Variants in ANKRD6 observed in about 807,000 individuals in gnomAD.
ANKRD6 encodes ankyrin repeat domain 6.
ANKRD6 carries 56 observed loss-of-function variants against 82.3 expected under a neutral mutation model. That is an observed-to-expected ratio of 0.68 (90% CI 0.55 to 0.85). The LOEUF is 0.85. Among genes scored for constraint, ANKRD6 ranks in the 40% least tolerant of loss-of-function variants. The pLI is 0.00. For synonymous variants in ANKRD6, 347 were observed against 352.1 expected, an observed-to-expected ratio of 0.99 and a Z score of 0.16; for missense variants, 852 against 907.6, an observed-to-expected ratio of 0.94 and a Z score of 0.79.
intron 1 of ANKRD6, among the ~76,000 whole-genome samples, chr6:89,460,350 T>C (rs1458582933): frequency 1.3e-5 from 2 of 152,150 alleles, no homozygotes; most frequent in African/African-American, 2.4e-5. Context: ...AATATTTATA[T>C]GCCAAAGCAA....
chr6:89,517,219 C>T (rs1257126638), intron 1 of ANKRD6, among the ~76,000 whole-genome samples: 1 of 152,168 alleles, frequency 6.6e-6, no homozygotes, highest in East Asian at 1.9e-4. Context: ...ACAGCAGCCA[C>T]AGGAAACCTA....
intron 1 of ANKRD6, among the ~76,000 whole-genome samples, chr6:89,438,555 CT>C (rs1182772472): frequency 6.6e-6 from 1 of 152,178 alleles, no homozygotes; most frequent in Non-Finnish European, 1.5e-5. Flanking sequence ...AGGAATAGAA[CT>C]CTTTGGTGGA....
chr6:89,491,912 C>T (rs143403176), intron 1 of ANKRD6, among the ~76,000 whole-genome samples: 2 of 152,280 alleles, frequency 1.3e-5, no homozygotes, highest in African/African-American at 4.8e-5. Flanking sequence ...TGCTGTGTTT[C>T]CTCCAGTCTA....
chr6:89,457,353 C>T (rs1162662201), intron 1 of ANKRD6, among the ~76,000 whole-genome samples: 3 of 152,150 alleles, frequency 2.0e-5, no homozygotes, highest in Non-Finnish European at 4.4e-5. Context: ...GACAGACTAC[C>T]ATAAATTGGA....
intron 1 of ANKRD6, among the ~76,000 whole-genome samples, chr6:89,454,414 T>C (rs1562536205): frequency 6.6e-6 from 1 of 152,240 alleles, no homozygotes; most frequent in Non-Finnish European, 1.5e-5. Context: ...GGTTTATCCC[T>C]GGGAGATCAG....
chr6:89,582,525 G>C (rs566016671), intron 2 of ANKRD6, among the ~76,000 whole-genome samples: 1 of 152,220 alleles, frequency 6.6e-6, no homozygotes, highest in Non-Finnish European at 1.5e-5. Flanking sequence ...CAATCCAGTG[G>C]CATTAACTGC....
intron 1 of ANKRD6, among the ~76,000 whole-genome samples, chr6:89,549,099 A>G (rs920901085): frequency 2.0e-5 from 3 of 152,100 alleles, no homozygotes; most frequent in African/African-American, 4.8e-5. Flanking sequence ...AGTCCCAGCT[A>G]TTTGGGAAGC....
intron 1 of ANKRD6, among the ~76,000 whole-genome samples, chr6:89,452,695 G>A (rs1772997925): frequency 6.6e-6 from 1 of 151,942 alleles, no homozygotes; most frequent in African/African-American, 2.4e-5. Flanking sequence ...AGTAAGTAAT[G>A]TGCTAAATCC....
At chr6:89,520,025 T>C (rs1444452369) in intron 1 of ANKRD6, among the ~76,000 whole-genome samples, 1 of 152,210 alleles carries the variant, frequency 6.6e-6, no homozygotes, top group Non-Finnish European at 1.5e-5. Flanking sequence ...TCTCGCTCTG[T>C]TGCTCAGGCT....
chr6:89,552,469 G>T (rs756112576), intron 1 of ANKRD6, among the ~76,000 whole-genome samples: 12 of 152,214 alleles, frequency 7.9e-5, no homozygotes, highest in Non-Finnish European at 1.6e-4. Context: ...ACTGTGTCAT[G>T]CTGCGTGCTG....
At chr6:89,600,444 A>C (rs1039413672) in intron 3 of ANKRD6, among the ~76,000 whole-genome samples, 1 of 152,210 alleles carries the variant, frequency 6.6e-6, no homozygotes, top group African/African-American at 2.4e-5. Flanking sequence ...CTCATACTTC[A>C]TGAACAATAC....
intron 2 of ANKRD6, among the ~76,000 whole-genome samples, chr6:89,582,956 C>T (rs1296946285): frequency 6.6e-6 from 1 of 152,196 alleles, no homozygotes; most frequent in African/African-American, 2.4e-5. Context: ...ACCATCTCTC[C>T]ACCTGAGTCA....
At chr6:89,515,209 C>G (rs987701790) in intron 1 of ANKRD6, among the ~76,000 whole-genome samples, 12 of 152,100 alleles carry the variant, frequency 7.9e-5, no homozygotes, top group African/African-American at 2.9e-4. Flanking sequence ...GTCCTTATTT[C>G]TAGGATGATT....
intron 1 of ANKRD6, among the ~76,000 whole-genome samples, chr6:89,483,815 G>C (rs141821838): frequency 2.0e-5 from 3 of 152,162 alleles, no homozygotes; most frequent in Admixed American, 6.5e-5. Context: ...TAGCTACAAG[G>C]TTCAAAGGAC....
chr6:89,508,331 T>C (rs1245414793), intron 1 of ANKRD6, among the ~76,000 whole-genome samples: 1 of 152,276 alleles, frequency 6.6e-6, no homozygotes, highest in Admixed American at 6.5e-5. Context: ...GGCTGTTGGC[T>C]TGAACCTTAA....
chr6:89,505,542 C>G (rs993813855), intron 1 of ANKRD6, among the ~76,000 whole-genome samples: 14 of 152,202 alleles, frequency 9.2e-5, no homozygotes, highest in African/African-American at 3.4e-4. Context: ...CCACTCTTTA[C>G]TGGGTTCCAA....
chr6:89,532,795 G>T (rs796953272), intron 1 of ANKRD6, among the ~76,000 whole-genome samples: 2 of 151,594 alleles, frequency 1.3e-5, no homozygotes, highest in African/African-American at 2.4e-5. Flanking sequence ...TTTGCCTCCC[G>T]GGCTCAAGCC....
intron 8 of ANKRD6, 107 bp downstream of exon 8, chr6:89,616,764 C>T (rs1478769308): frequency 2.9e-5 from 32 of 1,094,364 alleles, no homozygotes; most frequent in Admixed American, 5.5e-5. Flanking sequence ...CTCTGGAAGA[C>T]GGGGGATCTC....
intron 1 of ANKRD6, among the ~76,000 whole-genome samples, chr6:89,437,002 A>G (rs2127924076): frequency 6.6e-6 from 1 of 152,178 alleles, no homozygotes; most frequent in East Asian, 1.9e-4. Context: ...TAAAATAAGA[A>G]TTTTTAACCT....
Sources: allele counts gnomAD v4.1 joint callset (sites outside exome capture counted in the v4.1 genomes callset), GRCh38; gene constraint gnomAD v4.1.1; transcripts MANE v1.5; gene names NCBI Gene and HGNC (gene_info 2026-07-23, HGNC 2026-07-21).